The following ADGRG2 variants were observed in gnomAD, a reference collection of about 807,000 sequenced individuals.
ADGRG2 encodes adhesion G protein-coupled receptor G2.
Under a neutral mutation model 74.1 loss-of-function variants are expected in ADGRG2, and 26 were observed. The ratio of observed to expected loss-of-function variants is 0.35; its 90% confidence interval spans 0.26 to 0.49. The LOEUF is 0.49. ADGRG2 is among the 20% of genes least tolerant of loss of function. ADGRG2 has a pLI of 0.99. For missense variants in ADGRG2, 619 were observed against 763.1 expected (o/e 0.81, Z 2.22); for synonymous variants, 296 against 295.2 (o/e 1.00, Z -0.03).
chrX:19,116,876 TTAAAA>T (rs1266569243), intron 1 of ADGRG2, among the ~76,000 whole-genome samples: 2 of 112,054 alleles, frequency 1.8e-5, no homozygotes, highest in African/African-American at 3.2e-5. Context: ...GATCATCAGT[TTAAAA>T]TGAAATAGAA....
At chrX:19,105,927 C>CA (rs748026875) in intron 1 of ADGRG2, among the ~76,000 whole-genome samples, 3,266 of 29,548 alleles carry the variant, frequency 0.11, 282 homozygotes, top group Non-Finnish European at 0.13. Context: ...GACTCTGTCT[C>CA]AAAAAAAAAA....
rs747915401 is a variant in ADGRG2, at chrX:19,023,452, G to C, written c.512C>G (p.Thr171Ser). 1 of 1,097,155 alleles carries C rather than the reference G, an allele frequency of 9.1e-7. No homozygotes were observed. Among genetic ancestry groups the C allele is most frequent in the South Asian group, 2.0e-5 (1 of 50,699 alleles). The allele number at this position is 1,097,155 out of a possible 1,213,427, so 90.4% of individuals were successfully genotyped here. A position where few individuals can be genotyped will look rare whatever the true frequency, so the allele number is the denominator to read the frequency against. ...LNKTLQTLSE[T>S]YFIMCATAEA... ...TGCTGTAGCACACATTATAAAGTAA[G>C]TCTGAAACAAAACAAAAAACACGTA... The change falls in exon 13 of 29, where the codon ACT (threonine) becomes AGT (serine). Residue 171 changes from threonine (T) to serine (S), a missense_variant and splice_region_variant. Physicochemically the swap from Thr to Ser is moderately conservative, Grantham distance 58. Around this residue, in one of 3 missense-constraint regions of ADGRG2, gnomAD observed 292 missense variants for 318.0 expected, o/e 0.92. Coordinates refer to ENST00000379869, the MANE Select transcript of ADGRG2 (RefSeq NM_001079858.3).
At chrX:19,106,140 C>T (rs897327016) in intron 1 of ADGRG2, among the ~76,000 whole-genome samples, 2 of 109,821 alleles carry the variant, frequency 1.8e-5, no homozygotes, top group African/African-American at 6.7e-5. Flanking sequence ...TTCTGGGAGC[C>T]AGTGTAGAAC....
intron 1 of ADGRG2, among the ~76,000 whole-genome samples, chrX:19,088,055 C>G (rs1037599590): frequency 7.2e-5 from 8 of 111,566 alleles, no homozygotes; most frequent in African/African-American, 2.6e-4. Flanking sequence ...CTGGGTGAGG[C>G]AACCACCAAC....
chrX:19,052,953 C>G (rs1163118899), intron 3 of ADGRG2, among the ~76,000 whole-genome samples: 2 of 111,752 alleles, frequency 1.8e-5, no homozygotes, highest in Non-Finnish European at 3.8e-5. Flanking sequence ...CCTCGGCCTC[C>G]CAAAGTGCTG....
At chrX:19,018,252 C>T (rs1235132412) in intron 15 of ADGRG2, among the ~76,000 whole-genome samples, 1 of 110,689 alleles carries the variant, frequency 9.0e-6, no homozygotes, top group East Asian at 2.8e-4. Context: ...AGACTACAGG[C>T]ACGTGCCACG....
intron 27 of ADGRG2, 82 bp from the exon 28 acceptor site, chrX:18,995,130 C>T: frequency 1.5e-6 from 1 of 673,256 alleles, no homozygotes; most frequent in Non-Finnish European, 2.2e-6. Flanking sequence ...TGTAACAAGT[C>T]CTAAGCAACT....
intron 2 of ADGRG2, among the ~76,000 whole-genome samples, chrX:19,080,199 C>T (rs763884136): frequency 1.4e-4 from 15 of 110,627 alleles, no homozygotes; most frequent in Non-Finnish European, 2.5e-4. Flanking sequence ...CGTGAGCCAC[C>T]GCGCCCGGCT....
At chrX:19,045,886 T>A (rs923671033) in intron 3 of ADGRG2, among the ~76,000 whole-genome samples, 1 of 111,182 alleles carries the variant, frequency 9.0e-6, no homozygotes, top group Admixed American at 9.5e-5. Flanking sequence ...GAGTTTTTTG[T>A]TATTATTATT....
At position 18,990,882 on chromosome X, in the gene ADGRG2, G is replaced by T; in HGVS notation, c.3036C>A (p.His1012Gln). ...AAAGGAATCACATTTGCTCAATAAA[G>T]TGTAAGCTTCCCCGCTTTGAAGTCC... ...LRRTSKRGSL[H>Q]FIEQM Residue 1012 changes from histidine (H) to glutamine (Q), a missense_variant, in exon 29 of 29, where the codon CAC becomes CAA. This residue lies in a region of ADGRG2 where 106 missense variants were observed against 104.5 expected (regional missense o/e 1.01). Transcript: ENST00000379869. 1 of 1,201,913 alleles carries T rather than the reference G, an allele frequency of 8.3e-7. No homozygotes were observed. The highest frequency in any genetic ancestry group is 1.8e-5 in the South Asian group (1 of 55,740).
intron 1 of ADGRG2, among the ~76,000 whole-genome samples, chrX:19,090,243 A>G (rs1360403073): frequency 8.9e-6 from 1 of 111,924 alleles, no homozygotes; most frequent in Non-Finnish European, 1.9e-5. Context: ...TTCTGGGGAC[A>G]CTGGGCAGAG....
At chrX:19,117,354 T>C (rs1315313185) in intron 1 of ADGRG2, among the ~76,000 whole-genome samples, 2 of 109,934 alleles carry the variant, frequency 1.8e-5, no homozygotes, top group East Asian at 2.8e-4. Context: ...AATGTACTTA[T>C]TGTGAATGGT....
At position 19,107,477 on chromosome X, in the gene ADGRG2, C is replaced by T. The variant is rs141788570; in HGVS notation, c.-47+14965G>A. On this transcript the variant is annotated intron_variant, in intron 1 of 28. Coordinates refer to ENST00000379869, the MANE Select transcript of ADGRG2 (RefSeq NM_001079858.3). Reference sequence around the variant, plus strand: ...AATAAAGCATAATTTAGTTTTTTAACCCTCCTTCTTTCTTCCTTTCTTTGT... The same window carrying T: ...AATAAAGCATAATTTAGTTTTTTAATCCTCCTTCTTTCTTCCTTTCTTTGT... 4.5e-5 allele frequency among the ~76,000 whole-genome samples: 5 copies of T among 111,830 alleles called. No homozygotes were observed. The South Asian group carries it at 1.9e-3, about 42-fold the overall frequency.
Position 19,018,278 on chromosome X carries a change from T to C in ADGRG2, c.710+1321A>G, listed in dbSNP as rs187205245. On this transcript the variant is annotated intron_variant, in intron 15 of 28. Transcript: ENST00000379869. ...ACGTGCCACGATGCCCAGTTTTTTG[T>C]TTGTTTGTTTGTTTGTTTTTTTTTA... Among the ~76,000 whole-genome samples, 9 of 108,317 alleles carry C rather than the reference T, an allele frequency of 8.3e-5. No individual in the cohort carries two copies. In the East Asian group the frequency reaches 2.6e-3, roughly 31 times the overall value. 94.1% of individuals were successfully genotyped at this position (108,317 alleles called of 115,157 possible).
chrX:19,074,728 C>A (rs1264114502), intron 2 of ADGRG2, among the ~76,000 whole-genome samples: 7 of 106,805 alleles, frequency 6.6e-5, no homozygotes, highest in South Asian at 8.5e-4. Context: ...TGCCACCACA[C>A]CCGGCTAATT....
intron 24 of ADGRG2, among the ~76,000 whole-genome samples, chrX:19,000,821 G>A (rs1359649942): frequency 2.1e-5 from 2 of 95,340 alleles, no homozygotes; most frequent in Non-Finnish European, 4.0e-5. Context: ...CTCCGCCTCC[G>A]CCTCCCGGGT....
chrX:19,019,390 T>A (rs1340274340), intron 15 of ADGRG2, among the ~76,000 whole-genome samples: 3 of 111,453 alleles, frequency 2.7e-5, no homozygotes, highest in Non-Finnish European at 3.8e-5. Context: ...GTGTTTTTAA[T>A]GCTCCCCAGG....
chrX:19,011,495 A>G (rs1489110332), intron 16 of ADGRG2, among the ~76,000 whole-genome samples: 1 of 112,376 alleles, frequency 8.9e-6, no homozygotes, highest in Non-Finnish European at 1.9e-5. Context: ...TTTAATTTGT[A>G]TCATGTGTAC....
At chrX:19,095,600 A>G (rs1306447670) in intron 1 of ADGRG2, among the ~76,000 whole-genome samples, 1 of 112,395 alleles carries the variant, frequency 8.9e-6, no homozygotes, top group Non-Finnish European at 1.9e-5. Context: ...GAAACTGGTA[A>G]CTTGTTAATT....
Sources: allele counts gnomAD v4.1 joint callset (sites outside exome capture counted in the v4.1 genomes callset), GRCh38; gene constraint gnomAD v4.1.1; regional missense constraint gnomAD v4.1.1; transcripts MANE v1.5; gene names NCBI Gene and HGNC (gene_info 2026-07-23, HGNC 2026-07-21).